Variants in THADA observed in about 807,000 individuals in gnomAD.
THADA encodes the protein tRNA (32-2'-O)-methyltransferase regulator THADA.
A neutral mutation model predicts 219.8 loss-of-function variants in THADA; 213 were observed. That is an observed-to-expected ratio of 0.97 (90% CI 0.87 to 1.09). The LOEUF is 1.09. THADA is among the 50% of genes least tolerant of loss of function. The pLI, the probability that THADA is intolerant of heterozygous loss-of-function variation, is 0.00. For missense variants in THADA, 2,956 were observed against 2,311.3 expected (o/e 1.28, Z -5.72); for synonymous variants, 1,018 against 828.9 (o/e 1.23, Z -3.92).
intron 36 of THADA, among the ~76,000 whole-genome samples, chr2:43,275,471 C>G (rs552723448): frequency 6.6e-5 from 10 of 152,304 alleles, no homozygotes; most frequent in African/African-American, 2.4e-4. Flanking sequence ...CCTGCCTGCC[C>G]TGTCCCCATG....
intron 29 of THADA, among the ~76,000 whole-genome samples, chr2:43,360,234 T>C (rs2104586053): frequency 6.6e-6 from 1 of 152,332 alleles, no homozygotes; most frequent in East Asian, 1.9e-4. Context: ...TTAATTACTA[T>C]GTATCTTTTT....
chr2:43,386,123 A>G (rs906901419), intron 29 of THADA, among the ~76,000 whole-genome samples: 1 of 152,208 alleles, frequency 6.6e-6, no homozygotes, highest in African/African-American at 2.4e-5. Flanking sequence ...GTTCAAGACT[A>G]TAACACACAA....
chr2:43,498,717 G>C, intron 25 of THADA, 116 bp downstream of exon 25: 2 of 1,165,192 alleles, frequency 1.7e-6, no homozygotes, highest in African/African-American at 1.6e-5. Context: ...AGATTTCTAA[G>C]AAAATTCATG....
chr2:43,443,557 T>C (rs1681122465), intron 26 of THADA, among the ~76,000 whole-genome samples: 2 of 152,090 alleles, frequency 1.3e-5, no homozygotes, highest in South Asian at 2.1e-4. Context: ...CGTTTATCTA[T>C]GTGATCAAAA....
chr2:43,427,869 T>C (rs986800182), intron 28 of THADA, among the ~76,000 whole-genome samples: 1 of 149,590 alleles, frequency 6.7e-6, no homozygotes, highest in African/African-American at 2.4e-5. Flanking sequence ...GGCAGAAGAA[T>C]GGCGTGAACC....
At chr2:43,528,016 C>A in intron 21 of THADA, 28 bp from the exon 22 acceptor site, 2 of 1,542,706 alleles carry the variant, frequency 1.3e-6, no homozygotes, top group Non-Finnish European at 1.8e-6. Context: ...AAACAAATGT[C>A]CGATTTATGT....
intron 11 of THADA, among the ~76,000 whole-genome samples, chr2:43,574,100 A>G (rs1337421035): frequency 6.6e-6 from 1 of 152,224 alleles, no homozygotes; most frequent in Non-Finnish European, 1.5e-5. Flanking sequence ...TAATACAGGA[A>G]AGTTTATCAT....
intron 36 of THADA, among the ~76,000 whole-genome samples, chr2:43,263,884 C>A (rs145431711): frequency 6.6e-6 from 1 of 152,218 alleles, no homozygotes; most frequent in African/African-American, 2.4e-5. Context: ...CATGCTCTCC[C>A]TCCTCTCACC....
intron 30 of THADA, among the ~76,000 whole-genome samples, chr2:43,324,152 T>A (rs1202921582): frequency 6.6e-6 from 1 of 152,216 alleles, no homozygotes; most frequent in Non-Finnish European, 1.5e-5. Context: ...GACTTTCAAG[T>A]CTGATGAGGA....
intron 22 of THADA, among the ~76,000 whole-genome samples, chr2:43,522,295 C>T (rs892935752): frequency 2.6e-5 from 4 of 152,174 alleles, no homozygotes; most frequent in African/African-American, 9.7e-5. Context: ...GCCATCTTAA[C>T]CTCCCTCACC....
chr2:43,298,907 A>C (rs1380057941), intron 31 of THADA, among the ~76,000 whole-genome samples: 1 of 152,138 alleles, frequency 6.6e-6, no homozygotes, highest in Non-Finnish European at 1.5e-5. Context: ...AGTATTTCCT[A>C]AGCATATACA....
intron 26 of THADA, among the ~76,000 whole-genome samples, chr2:43,474,048 C>A (rs1054177657): frequency 5.9e-5 from 9 of 152,246 alleles, no homozygotes; most frequent in Admixed American, 1.3e-4. Flanking sequence ...CTTATGGAAC[C>A]ATCGTCATAT....
chr2:43,409,618 A>C (rs1676030034), intron 28 of THADA, among the ~76,000 whole-genome samples: 1 of 152,168 alleles, frequency 6.6e-6, no homozygotes, highest in African/African-American at 2.4e-5. Context: ...ATACAGTATA[A>C]TTATACTTTT....
At chr2:43,502,896 T>A (rs569929428) in intron 24 of THADA, among the ~76,000 whole-genome samples, 1 of 151,924 alleles carries the variant, frequency 6.6e-6, no homozygotes, top group South Asian at 2.1e-4. Context: ...AAGGGACAAA[T>A]AACCAATATT....
At chr2:43,523,082 T>C (rs1446870191) in intron 22 of THADA, among the ~76,000 whole-genome samples, 1 of 152,134 alleles carries the variant, frequency 6.6e-6, no homozygotes, top group African/African-American at 2.4e-5. Flanking sequence ...AATAAAAGTT[T>C]AGGCTGGGCG....
At chr2:43,349,340 G>A (rs1431500982) in intron 29 of THADA, among the ~76,000 whole-genome samples, 1 of 152,210 alleles carries the variant, frequency 6.6e-6, no homozygotes, top group African/African-American at 2.4e-5. Flanking sequence ...ACTCAGGGGA[G>A]CCCCAGGCAT....
intron 26 of THADA, among the ~76,000 whole-genome samples, chr2:43,434,210 G>T (rs150808913): frequency 6.6e-6 from 1 of 152,344 alleles, no homozygotes; most frequent in Admixed American, 6.5e-5. Flanking sequence ...CTTGATTTGT[G>T]TAAGAGCTAA....
At chr2:43,591,918 A>G in intron 3 of THADA, 34 bp downstream of exon 3, 1 of 1,398,712 alleles carries the variant, frequency 7.1e-7, no homozygotes, top group Non-Finnish European at 9.6e-7. Context: ...TGATACTCTT[A>G]AAGATGCATC....
intron 31 of THADA, among the ~76,000 whole-genome samples, chr2:43,316,205 C>T (rs1451753217): frequency 1.3e-5 from 2 of 152,202 alleles, no homozygotes. Flanking sequence ...GAAGTCTTTC[C>T]TGTCCTCTCA....
Sources: gnomAD v4.1 joint callset for allele counts (sites outside exome capture counted in the v4.1 genomes callset) on GRCh38, gnomAD v4.1.1 for gene constraint, MANE v1.5 for transcripts, NCBI Gene and HGNC (gene_info 2026-07-23, HGNC 2026-07-21) for gene names.